SLC4A7: variants seen among roughly 807,000 people sequenced by gnomAD.
SLC4A7 encodes solute carrier family 4 member 7, also known as sodium bicarbonate cotransporter 3.
Under a neutral mutation model 137.6 loss-of-function variants are expected in SLC4A7, and 51 were observed. The ratio of observed to expected loss-of-function variants is 0.37; its 90% CI spans 0.30 to 0.47. The LOEUF is 0.47. SLC4A7 is among the 20% of genes least tolerant of loss of function. SLC4A7 has a pLI of 1.00. For synonymous variants in SLC4A7, 542 were observed against 518.6 expected (o/e 1.05, Z -0.61); for missense variants, 1,247 against 1,525.4 (o/e 0.82, Z 3.04).
At chr3:27,444,906 C>T (rs951527239) in intron 3 of SLC4A7, among the ~76,000 whole-genome samples, 4 of 152,062 alleles carry the variant, frequency 2.6e-5, no homozygotes, top group African/African-American at 9.7e-5. Context: ...TATCTTCTTT[C>T]TTTTAGTAGT....
chr3:27,475,128 A>C (rs2059412538), intron 1 of SLC4A7, among the ~76,000 whole-genome samples: 1 of 152,000 alleles, frequency 6.6e-6, no homozygotes, highest in African/African-American at 2.4e-5. Context: ...ACCAGTATCA[A>C]ATCCCTGCCC....
chr3:27,379,087 T>A (rs1285897223), intron 25 of SLC4A7, among the ~76,000 whole-genome samples, 162 bp downstream of exon 25: 2 of 152,162 alleles, frequency 1.3e-5, no homozygotes, highest in Non-Finnish European at 2.9e-5. Context: ...AATTATTTTT[T>A]AAAATAGGTA....
At chr3:27,434,527 T>C (rs1474027716) in intron 5 of SLC4A7, among the ~76,000 whole-genome samples, 1 of 152,142 alleles carries the variant, frequency 6.6e-6, no homozygotes, top group Non-Finnish European at 1.5e-5. Flanking sequence ...TCACTGAGCG[T>C]CCGCTGTGTG....
At chr3:27,415,084 T>C (rs75208033) in intron 11 of SLC4A7, among the ~76,000 whole-genome samples, 163 of 152,356 alleles carry the variant, frequency 1.1e-3, no homozygotes, top group African/African-American at 3.8e-3. Flanking sequence ...TAGCATCTAA[T>C]GTATCAAGAC....
intron 21 of SLC4A7, among the ~76,000 whole-genome samples, chr3:27,391,406 A>G (rs1305025869): frequency 2.0e-5 from 3 of 152,212 alleles, no homozygotes; most frequent in Non-Finnish European, 4.4e-5. Flanking sequence ...ATAGGAAACT[A>G]ATATCTACCT....
chr3:27,442,808 G>A (rs1169174695), intron 3 of SLC4A7, among the ~76,000 whole-genome samples: 1 of 152,048 alleles, frequency 6.6e-6, no homozygotes, highest in Non-Finnish European at 1.5e-5. Flanking sequence ...AAGTGAGATG[G>A]AGTCCTGCTA....
intron 8 of SLC4A7, chr3:27,423,738 T>C (rs975772631): frequency 4.1e-6 from 1 of 244,760 alleles, no homozygotes; most frequent in African/African-American, 2.3e-5. Flanking sequence ...CAAAAAGTAC[T>C]GACGTTTCAC....
chr3:27,473,928 A>G (rs991176294), intron 1 of SLC4A7, among the ~76,000 whole-genome samples: 6 of 152,166 alleles, frequency 3.9e-5, no homozygotes, highest in East Asian at 1.9e-4. Context: ...TAATTATTTC[A>G]TATTACAGAA....
chr3:27,376,546 A>G lies in SLC4A7; in HGVS notation c.*218T>C. ...AAAATTTTTTTTTCTAACAGAATAA[A>G]TATTTGAATAGTTAAGAACCATGTA... On this transcript the variant is annotated 3_prime_UTR_variant, in exon 26 of 26. Coordinates refer to ENST00000454389, the MANE Select transcript of SLC4A7 (RefSeq NM_001321103.2). 1 of 324,242 alleles carries G rather than the reference A, an allele frequency of 3.1e-6. No individual in the cohort carries two copies. The allele number at this position is 324,242 out of a possible 1,614,324, so 20.1% of individuals were successfully genotyped here.
intron 18 of SLC4A7, among the ~76,000 whole-genome samples, chr3:27,395,650 T>G (rs2150111560): frequency 6.6e-6 from 1 of 152,298 alleles, no homozygotes; most frequent in East Asian, 1.9e-4. Flanking sequence ...GAAGGCATAT[T>G]GCCCCCATTG....
In SLC4A7 at chr3:27,424,170, T is replaced by C. The variant is rs1374750641; in HGVS notation, c.1151-18A>G. On this transcript the variant is annotated intron_variant, in intron 7 of 25. Coordinates refer to ENST00000454389, the MANE Select transcript of SLC4A7 (RefSeq NM_001321103.2). ...CAAAATACCTATGTTTAAAGACAAA[T>C]TCCAAATTAGTAAGGAGAAAATTCA... 3.7e-6 allele frequency: 5 copies of C among 1,333,388 alleles called. No homozygotes were observed. Among genetic ancestry groups the C allele is most frequent in the Admixed American group, 3.9e-5 (2 of 51,042 alleles). The allele number at this position is 1,333,388 out of a possible 1,614,324, so 82.6% of individuals were successfully genotyped here.
chr3:27,424,283 C>A (rs746299209), intron 7 of SLC4A7, 131 bp from the exon 8 acceptor site: 14 of 518,512 alleles, frequency 2.7e-5, no homozygotes, highest in Non-Finnish European at 4.4e-5. Context: ...AAAATAAGTG[C>A]CCGGTGTTAG....
chr3:27,449,047 C>CTT lies in SLC4A7; in HGVS notation c.143-252_143-251dup, dbSNP rs143519331. ...AGTATTTGCACATCTAAAAAGATATCTTTTTTTTTGTTTTGTTTTTGTTTT... is the reference window on the plus strand; with the variant it reads ...AGTATTTGCACATCTAAAAAGATATCTTTTTTTTTTTGTTTTGTTTTTGTTTT... On this transcript the variant is annotated intron_variant, in intron 2 of 25. Coordinates refer to ENST00000454389, the MANE Select transcript of SLC4A7 (RefSeq NM_001321103.2). Among the ~76,000 whole-genome samples the CTT allele has an allele frequency of 4.6e-5, 7 of 150,948 alleles. No homozygotes were observed. In the East Asian group the frequency reaches 5.9e-4, roughly 13 times the overall value.
chr3:27,399,068 C>A (rs2052493409), intron 16 of SLC4A7, among the ~76,000 whole-genome samples: 1 of 149,338 alleles, frequency 6.7e-6, no homozygotes, highest in South Asian at 2.1e-4. Context: ...CACTAAAGTT[C>A]TCCTTTTTCT....
Position 27,421,653 on chromosome 3 carries a change from T to C in SLC4A7, c.1393A>G (p.Thr465Ala), listed in dbSNP as rs2054991515. 6.2e-7 allele frequency: 1 copy of C among 1,613,996 alleles called. No homozygotes were observed. Among genetic ancestry groups the C allele is most frequent in the South Asian group, 1.1e-5 (1 of 91,060 alleles). Residue 465 changes from threonine to alanine, a missense_variant, in exon 9 of 26, where the codon ACA (threonine) becomes GCA (alanine). By Grantham distance (58) the Thr-to-Ala change is moderately conservative. This residue lies in a region of SLC4A7 where 499 missense variants were observed against 664.2 expected (regional missense o/e 0.75). Coordinates refer to ENST00000454389, the MANE Select transcript of SLC4A7 (RefSeq NM_001321103.2). ...FVRLAPAVLL[T>A]GLTEVPVPTR... ...GGAACAGGGACCTCAGTCAACCCTG[T>C]AAGGAGGACAGCAGGAGCCAGTCTC...
chr3:27,442,512 G>C (rs2057280936), intron 3 of SLC4A7, among the ~76,000 whole-genome samples: 1 of 150,964 alleles, frequency 6.6e-6, no homozygotes, highest in Admixed American at 6.6e-5. Flanking sequence ...CGGCTCACTA[G>C]CTTCCGCCTC....
At chr3:27,424,993 T>C (rs2150325480) in intron 7 of SLC4A7, among the ~76,000 whole-genome samples, 1 of 152,294 alleles carries the variant, frequency 6.6e-6, no homozygotes, top group Admixed American at 6.5e-5. Flanking sequence ...CACCAACATT[T>C]CGCAATAATA....
intron 3 of SLC4A7, among the ~76,000 whole-genome samples, chr3:27,446,804 T>C (rs2057670541): frequency 6.6e-6 from 1 of 151,868 alleles, no homozygotes; most frequent in South Asian, 2.1e-4. Flanking sequence ...CTTTGCTAGC[T>C]ACATGACCAC....
At chr3:27,404,446 C>T (rs2053128709) in intron 14 of SLC4A7, among the ~76,000 whole-genome samples, 1 of 152,184 alleles carries the variant, frequency 6.6e-6, no homozygotes, top group African/African-American at 2.4e-5. Flanking sequence ...CTACAGTACC[C>T]TATATTCATT....
Sources: gnomAD v4.1 joint callset for allele counts (sites outside exome capture counted in the v4.1 genomes callset) on GRCh38, gnomAD v4.1.1 for gene constraint, gnomAD v4.1.1 regional missense constraint, MANE v1.5 for transcripts, NCBI Gene and HGNC (gene_info 2026-07-23, HGNC 2026-07-21) for gene names.